THAP10: variants seen among roughly 807,000 people sequenced by gnomAD.
The protein encoded by THAP10 is THAP domain containing 10, also known as THAP domain-containing protein 10.
THAP10 carries 10 observed loss-of-function variants against 15.7 expected under a neutral mutation model. The observed-to-expected ratio is 0.64, with a 90% CI of 0.39 to 1.08. The LOEUF (loss-of-function observed/expected upper bound fraction) is 1.08. Ranked by LOEUF, THAP10 falls within the 50% of genes least tolerant of loss-of-function variation. The pLI, the probability that THAP10 is intolerant of heterozygous loss-of-function variation, is 0.01. For synonymous variants in THAP10, 127 were observed against 129.1 expected (o/e 0.98, Z 0.11); for missense variants, 310 against 330.9 (o/e 0.94, Z 0.49).
chr15:70,884,498 C>A (rs1470862008), intron 1 of THAP10, among the ~76,000 whole-genome samples: 2 of 151,060 alleles, frequency 1.3e-5, no homozygotes, highest in Non-Finnish European at 2.9e-5. Flanking sequence ...CCAGCCTGGG[C>A]GACAGAGTGA....
chr15:70,884,855 T>G (rs1567035418), intron 1 of THAP10, among the ~76,000 whole-genome samples: 1 of 152,156 alleles, frequency 6.6e-6, no homozygotes, highest in Non-Finnish European at 1.5e-5. Flanking sequence ...AAAAAGAAGC[T>G]AAAAATTAGT....
rs1383781060 is a variant in THAP10 at position 70,892,192 on chromosome 15, C to T, written c.81G>A (p.Arg27=). Residue 27 remains arginine (R), a synonymous_variant, in exon 1 of 3, where the codon CGG becomes CGA. Coordinates refer to ENST00000249861, the MANE Select transcript of THAP10 (RefSeq NM_020147.4). The part of the protein sequence containing the change: ...GKSLFRFPKD[R]AVRLLWDRFV... ...AGCGGTCCCAGAGCAGCCGCACGGC[C>T]CGGTCCTTGGGAAAGCGGAACAGCG... 1 of 1,608,316 alleles carries T rather than the reference C, an allele frequency of 6.2e-7. No homozygotes were observed. Among genetic ancestry groups the T allele is most frequent in the Non-Finnish European group, 8.5e-7 (1 of 1,177,422 alleles).
At chr15:70,887,357 A>G (rs563231436) in intron 1 of THAP10, among the ~76,000 whole-genome samples, 18 of 152,296 alleles carry the variant, frequency 1.2e-4, no homozygotes, top group Admixed American at 3.9e-4. Context: ...CACAGATACA[A>G]AAATCCTAAA....
chr15:70,883,150 A>ACG (rs1463993647), intron 1 of THAP10, among the ~76,000 whole-genome samples: 1 of 152,172 alleles, frequency 6.6e-6, no homozygotes, highest in African/African-American at 2.4e-5. Flanking sequence ...CTATTTGCTT[A>ACG]CAACTAATTT....
At chr15:70,884,567 TG>T (rs2033354903) in intron 1 of THAP10, among the ~76,000 whole-genome samples, 1 of 152,004 alleles carries the variant, frequency 6.6e-6, no homozygotes, top group Non-Finnish European at 1.5e-5. Context: ...AAAGAAACTT[TG>T]TAAAGAAATT....
chr15:70,886,030 T>G (rs1353716131), intron 1 of THAP10, among the ~76,000 whole-genome samples: 1 of 152,078 alleles, frequency 6.6e-6, no homozygotes, highest in African/African-American at 2.4e-5. Context: ...AAAATTTAAC[T>G]AAAAAATGCC....
chr15:70,889,149 T>C (rs1298044695), intron 1 of THAP10, among the ~76,000 whole-genome samples: 1 of 152,240 alleles, frequency 6.6e-6, no homozygotes, highest in East Asian at 1.9e-4. Flanking sequence ...TTTATGGTAG[T>C]ATCACTTATG....
rs763405112 is a variant in THAP10, at chr15:70,882,200, C to A, written c.*254G>T. ...AAGTGTTGCTGATATTGTGGTTTTG[C>A]TTTGTAACCTGATTTCTACCAAAAG... On this transcript the variant is annotated 3_prime_UTR_variant, in exon 3 of 3. Coordinates refer to ENST00000249861, the MANE Select transcript of THAP10 (RefSeq NM_020147.4). 5.6e-6 allele frequency: 2 copies of A among 356,420 alleles called. No homozygotes were observed. The highest frequency in any genetic ancestry group is 1.0e-5 in the Non-Finnish European group (2 of 198,866). The allele number at this position is 356,420 out of a possible 1,614,324, so 22.1% of individuals were successfully genotyped here.
chr15:70,885,110 A>T (rs750415371), intron 1 of THAP10, among the ~76,000 whole-genome samples: 5 of 152,202 alleles, frequency 3.3e-5, no homozygotes, highest in Non-Finnish European at 7.4e-5. Context: ...TCTCTTGTGT[A>T]GATATCCGAT....
Position 70,882,474 on chromosome 15 carries a change from C to A in THAP10, c.754G>T (p.Val252Leu). 6.2e-7 allele frequency: 1 copy of A among 1,612,074 alleles called. No homozygotes were observed. Among genetic ancestry groups the A allele is most frequent in the Non-Finnish European group, 8.5e-7 (1 of 1,179,500 alleles). The change falls in exon 3 of 3, where the codon GTG becomes TTG. Residue 252 changes from valine (V) to leucine (L), a missense_variant. By Grantham distance (32) the Val-to-Leu change is conservative. Coordinates refer to ENST00000249861, the MANE Select transcript of THAP10 (RefSeq NM_020147.4). Reference sequence around the variant, plus strand: ...AGTTTTTAACATGTTTCTTCTTTCACCTGTACAGCCATATAAGACAAATCA... The same window carrying A: ...AGTTTTTAACATGTTTCTTCTTTCAACTGTACAGCCATATAAGACAAATCA... ...QSDLSYMAVQ[V>L]KEETC
chr15:70,884,434 T>C (rs1280156618), intron 1 of THAP10, among the ~76,000 whole-genome samples: 1 of 151,852 alleles, frequency 6.6e-6, no homozygotes, highest in Non-Finnish European at 1.5e-5. Context: ...GCACAATAAT[T>C]GCTTGAAGCC....
At chr15:70,884,489 C>T (rs1015789687) in intron 1 of THAP10, among the ~76,000 whole-genome samples, 14 of 151,888 alleles carry the variant, frequency 9.2e-5, no homozygotes, top group African/African-American at 3.4e-4. Context: ...CACTGCACTC[C>T]AGCCTGGGCG....
At position 70,882,404 on chromosome 15, in the gene THAP10, A is replaced by T; in HGVS notation, c.*50T>A. 7.3e-7 allele frequency: 1 copy of T among 1,361,654 alleles called. No homozygotes were observed. 84.3% of individuals were successfully genotyped at this position (1,361,654 alleles called of 1,614,324 possible). A position where few individuals can be genotyped will look rare whatever the true frequency, so the allele number is the denominator to read the frequency against. Reference sequence around the variant, plus strand: ...ACAATAGCAAAGAGATAATTATGTGAGTAAAGATTTGAAAATCTATAGCAC... The same window carrying T: ...ACAATAGCAAAGAGATAATTATGTGTGTAAAGATTTGAAAATCTATAGCAC... On this transcript the variant is annotated 3_prime_UTR_variant, in exon 3 of 3. Transcript: ENST00000249861.
At chr15:70,889,047 A>G (rs1428729168) in intron 1 of THAP10, among the ~76,000 whole-genome samples, 1 of 152,216 alleles carries the variant, frequency 6.6e-6, no homozygotes, top group East Asian at 1.9e-4. Context: ...GGTATTATCT[A>G]CTGAAGTTTA....
chr15:70,882,545 C>T lies in THAP10; in HGVS notation c.683G>A (p.Ser228Asn). The T allele has an allele frequency of 5.6e-6, 9 of 1,613,944 alleles. No homozygotes were observed. The highest frequency in any genetic ancestry group is 7.6e-6 in the Non-Finnish European group (9 of 1,179,866). The part of the protein sequence containing the change: ...RTSSLFDIYS[S>N]DSETDTDWDI... ...CCAGTCTGTATCTGTTTCTGAATCA[C>T]TGGAGTAAATGTCAAAGAGAGAGGA... is the stretch of plus-strand genomic sequence containing the variant. Residue 228 changes from serine (S) to asparagine (N), a missense_variant, in exon 3 of 3, where the codon AGT becomes AAT. Physicochemically the swap from Ser to Asn is conservative, Grantham distance 46. Coordinates refer to ENST00000249861, the MANE Select transcript of THAP10 (RefSeq NM_020147.4).
intron 1 of THAP10, among the ~76,000 whole-genome samples, chr15:70,886,730 G>A (rs977644598): frequency 6.6e-6 from 1 of 152,094 alleles, no homozygotes; most frequent in Non-Finnish European, 1.5e-5. Context: ...GCTGGGTGCG[G>A]TGGCAGGCAC....
Position 70,881,803 on chromosome 15 carries a change from T to C in THAP10, c.*651A>G, listed in dbSNP as rs1391591233. 2 of 152,226 alleles carry C rather than the reference T, an allele frequency of 1.3e-5. No individual in the cohort carries two copies. Among genetic ancestry groups the C allele is most frequent in the Non-Finnish European group, 2.9e-5 (2 of 68,042 alleles). 9.4% of individuals were successfully genotyped at this position (152,226 alleles called of 1,614,324 possible). A position where few individuals can be genotyped will look rare whatever the true frequency, so the allele number is the denominator to read the frequency against. On this transcript the variant is annotated 3_prime_UTR_variant, in exon 3 of 3. Transcript: ENST00000249861. ...ATTAATGTGTCGCAGTAAGCACTGATGCAAACAGATTTCATTAATAAGTTA... is the reference window on the plus strand; with the variant it reads ...ATTAATGTGTCGCAGTAAGCACTGACGCAAACAGATTTCATTAATAAGTTA...
intron 1 of THAP10, among the ~76,000 whole-genome samples, chr15:70,883,157 AT>A (rs568160569): frequency 4.3e-4 from 64 of 147,402 alleles, no homozygotes; most frequent in South Asian, 8.6e-4. Context: ...CTTACAACTA[AT>A]TTTTTTTTTT....
chr15:70,889,450 A>G (rs1159010994), intron 1 of THAP10, among the ~76,000 whole-genome samples: 2 of 152,052 alleles, frequency 1.3e-5, no homozygotes, highest in Admixed American at 1.3e-4. Flanking sequence ...GGTGCTAGCA[A>G]TGTTCTGTTT....
Sources: gnomAD v4.1 joint callset for allele counts (sites outside exome capture counted in the v4.1 genomes callset) on GRCh38, gnomAD v4.1.1 for gene constraint, MANE v1.5 for transcripts, NCBI Gene and HGNC (gene_info 2026-07-23, HGNC 2026-07-21) for gene names.